Variants in CILK1 observed in about 807,000 individuals in gnomAD.
CILK1 encodes serine/threonine-protein kinase ICK.
A neutral mutation model predicts 79.2 loss-of-function variants in CILK1; 47 were observed. That is an observed-to-expected ratio of 0.59 (90% CI 0.47 to 0.76). The LOEUF is 0.76. CILK1 is among the 30% of genes least tolerant of loss of function. The pLI is 0.00. For missense variants in CILK1, 660 were observed against 769.5 expected, an observed-to-expected ratio of 0.86 and a Z score of 1.68; for synonymous variants, 266 against 275.9, an observed-to-expected ratio of 0.96 and a Z score of 0.36.
chr6:53,058,876 G>C (rs2127476491), intron 1 of CILK1, among the ~76,000 whole-genome samples: 1 of 151,880 alleles, frequency 6.6e-6, no homozygotes, highest in Non-Finnish European at 1.5e-5. Flanking sequence ...AACTCTGCAA[G>C]ATCCTACAAA....
rs1581953960 is a variant in CILK1 at position 53,013,650 on chromosome 6, T to C, written c.1152+12A>G. 5.6e-6 allele frequency: 9 copies of C among 1,613,200 alleles called. No individual in the cohort carries two copies. The highest frequency in any genetic ancestry group is 7.6e-6 in the Non-Finnish European group (9 of 1,179,252). On this transcript the variant is annotated intron_variant, in intron 9 of 13. Transcript: ENST00000676107. ...CAGACACGAAGCTCACTGGTGAATC[T>C]GGGCTGCTCACCGACTGTGGATGCT...
chr6:53,040,414 G>A (rs1766623304), intron 2 of CILK1, among the ~76,000 whole-genome samples: 1 of 152,234 alleles, frequency 6.6e-6, no homozygotes, highest in Non-Finnish European at 1.5e-5. Context: ...CACATGGCAA[G>A]GAACTGAGGG....
In CILK1 at chr6:53,019,226, C is replaced by A; in HGVS notation, c.491+1G>T. 2 of 1,613,268 alleles carry A rather than the reference C, an allele frequency of 1.2e-6. No homozygotes were observed. The highest frequency in any genetic ancestry group is 1.1e-5 in the South Asian group (1 of 91,052). On this transcript the variant is annotated splice_donor_variant, in intron 6 of 13. Transcript: ENST00000676107. LOFTEE classifies it high-confidence loss of function. ...ATAATTTTGAGAAAAATGGTATTCA[C>A]CATCTGGTAGATACATAATCTGTAT...
At chr6:53,007,157 CTG>C (rs1764277840) in intron 12 of CILK1, among the ~76,000 whole-genome samples, 1 of 152,160 alleles carries the variant, frequency 6.6e-6, no homozygotes. Flanking sequence ...ATAATGAAGA[CTG>C]TTATTATTGC....
At chr6:53,047,452 T>A (rs958485316) in intron 1 of CILK1, among the ~76,000 whole-genome samples, 1 of 145,866 alleles carries the variant, frequency 6.9e-6, no homozygotes, top group African/African-American at 2.6e-5. Flanking sequence ...GTACTTGGTG[T>A]ACACTACCAG....
Position 53,041,960 on chromosome 6 carries a change from G to A in CILK1, c.-172-552C>T, listed in dbSNP as rs568852097. Among the ~76,000 whole-genome samples, 20 of 151,720 alleles carry A rather than the reference G, an allele frequency of 1.3e-4. No homozygotes were observed. The South Asian group carries it at 4.0e-3, about 30-fold the overall frequency. On this transcript the variant is annotated intron_variant, in intron 1 of 13. Transcript: ENST00000676107. The stretch of plus-strand genomic sequence containing the variant: ...ATTTATAGCTCACATCCATTCCAAT[G>A]TTTAATATTCAAAGTGTTTTAGTCT...
At chr6:53,055,588 T>C (rs908290867) in intron 1 of CILK1, among the ~76,000 whole-genome samples, 5 of 152,230 alleles carry the variant, frequency 3.3e-5, no homozygotes, top group Non-Finnish European at 5.9e-5. Context: ...ATCCGTTACA[T>C]GATGTGCCTT....
At chr6:53,013,199 C>A (rs1194303253) in intron 9 of CILK1, among the ~76,000 whole-genome samples, 1 of 152,164 alleles carries the variant, frequency 6.6e-6, no homozygotes, top group Admixed American at 6.5e-5. Context: ...CAATTACTGA[C>A]CTTTACAGAG....
chr6:53,015,439 A>C, intron 8 of CILK1, among the ~76,000 whole-genome samples: 1 of 152,220 alleles, frequency 6.6e-6, no homozygotes, highest in East Asian at 1.9e-4. Flanking sequence ...CAGTTGGTTG[A>C]ATTGTAGTTA....
At chr6:53,058,992 G>T (rs1478018123) in intron 1 of CILK1, among the ~76,000 whole-genome samples, 1 of 152,094 alleles carries the variant, frequency 6.6e-6, no homozygotes, top group Non-Finnish European at 1.5e-5. Flanking sequence ...GATCCCAGAA[G>T]CAGAGCTGCA....
At chr6:53,034,928 C>T (rs1362363982) in intron 3 of CILK1, among the ~76,000 whole-genome samples, 1 of 152,070 alleles carries the variant, frequency 6.6e-6, no homozygotes, top group Non-Finnish European at 1.5e-5. Flanking sequence ...GAGGGAAGCC[C>T]GCTGCAGGTA....
chr6:53,005,247 G>A lies in CILK1; in HGVS notation c.1801C>T (p.Gln601Ter). The change falls in exon 14 of 14, where the codon CAG (glutamine) becomes TAG (stop). Residue 601 changes from glutamine to a stop codon, truncating the protein, a stop_gained. Transcript: ENST00000676107. LOFTEE classifies it high-confidence loss of function. ...ATCAACCCAGGAGTGCTTCTAGGCTGGGTGTGGAAGAATGGTCGCCCAGGA... is the reference window on the plus strand; with the variant it reads ...ATCAACCCAGGAGTGCTTCTAGGCTAGGTGTGGAAGAATGGTCGCCCAGGA... The part of the protein sequence containing the change: ...PHPGRPFFHT[Q>*]PRSTPGLIPR... 6.2e-7 allele frequency: 1 copy of A among 1,614,208 alleles called. No individual in the cohort carries two copies. Among genetic ancestry groups the A allele is most frequent in the Non-Finnish European group, 8.5e-7 (1 of 1,180,034 alleles).
intron 5 of CILK1, 137 bp from the exon 6 acceptor site, chr6:53,019,496 C>T (rs1336443623): frequency 2.3e-6 from 2 of 863,276 alleles, no homozygotes; most frequent in East Asian, 5.3e-5. Context: ...ATGCATTCAT[C>T]CCACAGATAA....
intron 10 of CILK1, 25 bp from the exon 11 acceptor site, chr6:53,011,942 G>A (rs1279591814): frequency 6.2e-7 from 1 of 1,614,124 alleles, no homozygotes; most frequent in South Asian, 1.1e-5. Context: ...CATGGCTTGG[G>A]TCAGCACGAG....
At chr6:53,046,084 A>G (rs528462372) in intron 1 of CILK1, among the ~76,000 whole-genome samples, 1 of 152,312 alleles carries the variant, frequency 6.6e-6, no homozygotes, top group East Asian at 1.9e-4. Context: ...AAAAATGTCT[A>G]TGCACATGAA....
rs1386213220 is a variant in CILK1, at chr6:53,001,317, CAACTTT to C, written c.*3826_*3831del. On this transcript the variant is annotated 3_prime_UTR_variant, in exon 14 of 14. Transcript: ENST00000676107. ...ACTCAAATCAATTTTTCTTAAACTTCAACTTTATTTGGACCAGGAAATTTTTCCTTA... is the reference window on the plus strand; with the variant it reads ...ACTCAAATCAATTTTTCTTAAACTTCATTTGGACCAGGAAATTTTTCCTTA... The C allele has an allele frequency of 1.4e-4, 22 of 152,258 alleles. No homozygotes were observed. Among genetic ancestry groups the C allele is most frequent in the Admixed American group, 5.9e-4 (9 of 15,296 alleles). 9.4% of individuals were successfully genotyped at this position (152,258 alleles called of 1,614,324 possible).
intron 11 of CILK1, among the ~76,000 whole-genome samples, chr6:53,011,231 C>T (rs1764551241): frequency 6.6e-6 from 1 of 152,070 alleles, no homozygotes. Flanking sequence ...TTTGCCAGTT[C>T]CTCCCTCCCT....
intron 5 of CILK1, among the ~76,000 whole-genome samples, chr6:53,020,625 C>T (rs1419656303): frequency 6.6e-6 from 1 of 152,148 alleles, no homozygotes; most frequent in Non-Finnish European, 1.5e-5. Flanking sequence ...ATTCCAAAAT[C>T]TGAAAAAATC....
At chr6:53,057,286 A>G (rs1033128447) in intron 1 of CILK1, among the ~76,000 whole-genome samples, 4 of 152,220 alleles carry the variant, frequency 2.6e-5, no homozygotes, top group Non-Finnish European at 5.9e-5. Context: ...AAAGGTAAAA[A>G]ATAACTCACA....
Sources: gnomAD v4.1 joint callset for allele counts (sites outside exome capture counted in the v4.1 genomes callset) on GRCh38, gnomAD v4.1.1 for gene constraint, MANE v1.5 for transcripts, NCBI Gene and HGNC (gene_info 2026-07-23, HGNC 2026-07-21) for gene names.